PPP2R2B: variants seen among roughly 807,000 people sequenced by gnomAD.
PPP2R2B encodes protein phosphatase 2 regulatory subunit Bbeta.
A neutral mutation model predicts 46.0 loss-of-function variants in PPP2R2B; 5 were observed. The observed-to-expected ratio is 0.11, with a 90% CI of 0.06 to 0.23. PPP2R2B has a LOEUF of 0.23. Among genes scored for constraint, PPP2R2B ranks in the 10% least tolerant of loss-of-function variants. The pLI is 1.00. For synonymous variants in PPP2R2B, 215 were observed against 206.7 expected, an observed-to-expected ratio of 1.04 and a Z score of -0.34; for missense variants, 367 against 575.0, an observed-to-expected ratio of 0.64 and a Z score of 3.70.
At chr5:146,615,515 T>TAAAAA (rs1364774106) in intron 7 of PPP2R2B, among the ~76,000 whole-genome samples, 1 of 71,030 alleles carries the variant, frequency 1.4e-5, no homozygotes, top group Non-Finnish European at 3.2e-5. Context: ...AAAAAAAAAT[T>TAAAAA]AAAAAAAAAA....
intron 1 of PPP2R2B, among the ~76,000 whole-genome samples, chr5:147,022,387 T>C (rs1009275957): frequency 6.7e-6 from 1 of 149,856 alleles, no homozygotes; most frequent in Non-Finnish European, 1.5e-5. Context: ...TGAAGCCCTG[T>C]CTCTGCTAAA....
chr5:146,795,012 C>T (rs1756436829), intron 2 of PPP2R2B, among the ~76,000 whole-genome samples: 2 of 152,096 alleles, frequency 1.3e-5, no homozygotes, highest in African/African-American at 2.4e-5. Context: ...GAAATAATTT[C>T]TTAATCACAT....
intron 1 of PPP2R2B, among the ~76,000 whole-genome samples, chr5:146,900,725 C>T (rs546764767): frequency 7.0e-4 from 106 of 152,068 alleles, no homozygotes; most frequent in African/African-American, 2.3e-3. Context: ...TGCCCATCAA[C>T]CCATTACCTA....
intron 8 of PPP2R2B, among the ~76,000 whole-genome samples, chr5:146,595,602 T>C (rs1204617207): frequency 3.3e-5 from 5 of 152,222 alleles, no homozygotes; most frequent in Non-Finnish European, 5.9e-5. Context: ...GGGTAGCTCC[T>C]ATCTGCCTCC....
At chr5:146,865,242 T>C (rs1487505748) in intron 2 of PPP2R2B, among the ~76,000 whole-genome samples, 2 of 152,118 alleles carry the variant, frequency 1.3e-5, no homozygotes, top group East Asian at 3.9e-4. Context: ...ATAGATGATG[T>C]TGTTTTGCAT....
chr5:146,946,266 T>G (rs1349661567), intron 1 of PPP2R2B, among the ~76,000 whole-genome samples: 2 of 152,116 alleles, frequency 1.3e-5, no homozygotes, highest in Non-Finnish European at 2.9e-5. Flanking sequence ...AGTCTTTTTT[T>G]CCCATCTTTC....
chr5:147,028,220 A>G (rs1256877500), intron 1 of PPP2R2B, among the ~76,000 whole-genome samples: 1 of 152,134 alleles, frequency 6.6e-6, no homozygotes, highest in African/African-American at 2.4e-5. Flanking sequence ...AGGACTTCTC[A>G]TTTTTCGGAT....
chr5:147,017,890 T>TTC (rs1362063296), intron 1 of PPP2R2B, among the ~76,000 whole-genome samples: 3 of 152,104 alleles, frequency 2.0e-5, no homozygotes, highest in African/African-American at 7.2e-5. Context: ...ATTAAGGATC[T>TTC]TCAAGCTGGA....
rs556047589 is a variant in PPP2R2B, at chr5:146,908,993, A to T, written c.79+146672T>A. 1.2e-4 allele frequency among the ~76,000 whole-genome samples: 18 copies of T among 152,234 alleles called. No individual in the cohort carries two copies. The South Asian group carries it at 3.7e-3, about 32-fold the overall frequency. On this transcript the variant is annotated intron_variant, in intron 1 of 8. Transcript: ENST00000336640. ...TGTTTTTCATCCTGGGTTTACTTTAAGATCCTTCAGATCAGCTCCTGGAGG... is the reference window on the plus strand; with the variant it reads ...TGTTTTTCATCCTGGGTTTACTTTATGATCCTTCAGATCAGCTCCTGGAGG...
At chr5:146,781,827 T>G (rs1755548668) in intron 2 of PPP2R2B, among the ~76,000 whole-genome samples, 1 of 152,102 alleles carries the variant, frequency 6.6e-6, no homozygotes, top group South Asian at 2.1e-4. Flanking sequence ...AGGAATGAAA[T>G]AAATTTTGGA....
intron 1 of PPP2R2B, among the ~76,000 whole-genome samples, chr5:147,002,907 AC>A (rs1217807359): frequency 6.6e-6 from 1 of 151,938 alleles, no homozygotes; most frequent in Admixed American, 6.6e-5. Flanking sequence ...CAACAGGCTC[AC>A]CCTTGAAATG....
chr5:146,640,162 C>T (rs2151081077), intron 6 of PPP2R2B, among the ~76,000 whole-genome samples: 1 of 152,302 alleles, frequency 6.6e-6, no homozygotes. Flanking sequence ...GCAACAATGG[C>T]TTTGTATTTG....
chr5:146,864,970 A>G (rs1019912443), intron 2 of PPP2R2B, among the ~76,000 whole-genome samples: 4 of 152,204 alleles, frequency 2.6e-5, no homozygotes, highest in Non-Finnish European at 4.4e-5. Context: ...TAGTCCTATC[A>G]TCTAGAAACA....
intron 1 of PPP2R2B, among the ~76,000 whole-genome samples, chr5:146,979,681 T>C (rs1323947212): frequency 1.3e-5 from 2 of 152,020 alleles, no homozygotes; most frequent in Non-Finnish European, 2.9e-5. Context: ...GAACCATATG[T>C]ACAAATAACA....
intron 5 of PPP2R2B, among the ~76,000 whole-genome samples, chr5:146,684,391 T>A (rs1240079141): frequency 6.6e-6 from 1 of 152,190 alleles, no homozygotes; most frequent in Non-Finnish European, 1.5e-5. Context: ...AGAATGAGTA[T>A]TACGACATAG....
At chr5:146,828,486 G>T (rs138724990) in intron 2 of PPP2R2B, among the ~76,000 whole-genome samples, 1 of 152,266 alleles carries the variant, frequency 6.6e-6, no homozygotes, top group East Asian at 1.9e-4. Flanking sequence ...TTTGTAATGA[G>T]TTTTTATGGT....
chr5:147,058,167 G>A (rs963860717), upstream of PPP2R2B, among the ~76,000 whole-genome samples: 9 of 152,138 alleles, frequency 5.9e-5, no homozygotes, highest in East Asian at 1.9e-4. Context: ...TAAGTGAATC[G>A]ATGAATGGAT....
Position 147,066,686 on chromosome 5 carries a change from A to C in PPP2R2B, c.50+14373T>G, listed in dbSNP as rs184515518. 4.6e-5 allele frequency among the ~76,000 whole-genome samples: 7 copies of C among 152,328 alleles called. No homozygotes were observed. The East Asian group carries it at 1.3e-3, about 29-fold the overall frequency. ...AGGCACCGTATTAGACAAATAAGAA[A>C]GATATGGCCCCTGTCTTAATGCCTT... is the stretch of plus-strand genomic sequence containing the variant. On this transcript the variant is annotated intron_variant, in intron 2 of 10. Transcript: ENST00000394413.
intron 2 of PPP2R2B, among the ~76,000 whole-genome samples, chr5:146,752,319 T>C (rs1420585433): frequency 6.6e-6 from 1 of 152,162 alleles, no homozygotes; most frequent in Non-Finnish European, 1.5e-5. Context: ...AAGCAGTGCC[T>C]GTAACATCAC....
Sources: allele counts gnomAD v4.1 joint callset (sites outside exome capture counted in the v4.1 genomes callset), GRCh38; gene constraint gnomAD v4.1.1; transcripts MANE v1.5; gene names NCBI Gene and HGNC (gene_info 2026-07-23, HGNC 2026-07-21).